CPEB1: variants seen among roughly 807,000 people sequenced by gnomAD.
CPEB1 encodes cytoplasmic polyadenylation element-binding protein 1.
CPEB1 carries 7 observed loss-of-function variants against 65.8 expected under a neutral mutation model. That is an observed-to-expected ratio of 0.11 (90% CI 0.06 to 0.20). The LOEUF (loss-of-function observed/expected upper bound fraction) is 0.20, where lower values mean the gene tolerates loss of function less well. Ranked by LOEUF, CPEB1 falls within the 10% of genes least tolerant of loss-of-function variation. CPEB1 has a pLI of 1.00. For synonymous variants in CPEB1, 262 were observed against 260.0 expected, an observed-to-expected ratio of 1.01 and a Z score of -0.08; for missense variants, 551 against 712.2, an observed-to-expected ratio of 0.77 and a Z score of 2.58.
Position 82,543,594 on chromosome 15 carries a change from C to G in CPEB1, c.*998G>C. 1 of 152,296 alleles carries G rather than the reference C, an allele frequency of 6.6e-6. No individual in the cohort carries two copies. Among genetic ancestry groups the G allele is most frequent in the Non-Finnish European group, 1.5e-5 (1 of 68,030 alleles). The allele number at this position is 152,296 out of a possible 1,614,324, so 9.4% of individuals were successfully genotyped here. A position where few individuals can be genotyped will look rare whatever the true frequency, so the allele number is the denominator to read the frequency against. On this transcript the variant is annotated 3_prime_UTR_variant, in exon 13 of 13. Transcript: ENST00000684509. ...GATATAAGGGAAGGGTACTTGCCCC[C>G]TCTAAGAGAAAGGGCTCCTGTGAGC...
At chr15:82,623,585 A>T (rs535978332) in intron 3 of CPEB1, among the ~76,000 whole-genome samples, 12 of 152,268 alleles carry the variant, frequency 7.9e-5, no homozygotes, top group Admixed American at 4.6e-4. Context: ...CTGAGGCAGG[A>T]GACTCACTTG....
At chr15:82,549,311 T>G (rs1039973360) in intron 10 of CPEB1, 149 bp downstream of exon 10, 1 of 738,616 alleles carries the variant, frequency 1.4e-6, no homozygotes, top group African/African-American at 1.7e-5. Flanking sequence ...TACTCGTGAC[T>G]TGTCTAGAAA....
chr15:82,544,330 C>A lies in CPEB1; in HGVS notation c.*262G>T. On this transcript the variant is annotated 3_prime_UTR_variant, in exon 13 of 13. Coordinates refer to ENST00000684509, the MANE Select transcript of CPEB1 (RefSeq NM_001365242.1). ...CATCTGCAAAATGAGGAACTAAAAT[C>A]TGGGAAAACTACAGAGTCGCTTGGA... 1 of 192,780 alleles carries A rather than the reference C, an allele frequency of 5.2e-6. No homozygotes were observed. Among genetic ancestry groups the A allele is most frequent in the East Asian group, 9.3e-5 (1 of 10,780 alleles). The allele number at this position is 192,780 out of a possible 1,614,324, so 11.9% of individuals were successfully genotyped here.
chr15:82,645,752 T>C (rs2047452822), intron 1 of CPEB1, among the ~76,000 whole-genome samples: 1 of 151,858 alleles, frequency 6.6e-6, no homozygotes, highest in African/African-American at 2.4e-5. Context: ...CTTGTAATCC[T>C]AGCTACACAG....
intron 3 of CPEB1, among the ~76,000 whole-genome samples, chr15:82,623,379 A>T (rs1388523349): frequency 1.3e-5 from 2 of 152,216 alleles, no homozygotes. Context: ...GGAAAAGCAT[A>T]CAGAAAAAAA....
At chr15:82,627,084 A>T in intron 3 of CPEB1, 109 bp downstream of exon 3, 2 of 868,774 alleles carry the variant, frequency 2.3e-6, no homozygotes, top group Non-Finnish European at 3.3e-6. Context: ...ATTGCCAGCA[A>T]CTCAACATTG....
intron 8 of CPEB1, 161 bp downstream of exon 8, chr15:82,553,306 G>A: frequency 3.2e-6 from 2 of 624,210 alleles, no homozygotes; most frequent in Non-Finnish European, 5.8e-6. Context: ...GACATGTTAG[G>A]TTGAAGAGAA....
At chr15:82,607,064 A>C (rs2043682248) in intron 3 of CPEB1, among the ~76,000 whole-genome samples, 1 of 152,190 alleles carries the variant, frequency 6.6e-6, no homozygotes, top group Admixed American at 6.5e-5. Context: ...ATAGGATTTT[A>C]TACTAGAAAA....
intron 3 of CPEB1, among the ~76,000 whole-genome samples, chr15:82,592,205 C>T (rs553603598): frequency 5.9e-5 from 9 of 151,926 alleles, no homozygotes; most frequent in Non-Finnish European, 1.3e-4. Context: ...ATGGGTATAC[C>T]CTGGAGACAC....
chr15:82,647,899 G>GGGCTGACC (rs1452542304), upstream of CPEB1: 14 of 1,231,402 alleles, frequency 1.1e-5, no homozygotes, highest in Non-Finnish European at 1.4e-5. Flanking sequence ...CGGGGCTGAC[G>GGGCTGACC]GGCTGACCGG....
At chr15:82,647,785 G>C (rs1395089306), upstream of CPEB1, 2 of 1,229,810 alleles carry the variant, frequency 1.6e-6, no homozygotes, top group East Asian at 3.3e-5. Context: ...GCCGGACCCG[G>C]CTGCGCGCGG....
At chr15:82,574,286 G>A (rs778474058) in intron 3 of CPEB1, among the ~76,000 whole-genome samples, 5 of 152,180 alleles carry the variant, frequency 3.3e-5, no homozygotes, top group Non-Finnish European at 7.3e-5. Flanking sequence ...TAGTGTGGCA[G>A]GCTGGAAAAA....
chr15:82,561,806 T>C (rs2038261195), intron 4 of CPEB1, among the ~76,000 whole-genome samples: 1 of 152,176 alleles, frequency 6.6e-6, no homozygotes, highest in Non-Finnish European at 1.5e-5. Context: ...TCTGTAGTGA[T>C]CCTCTAATCT....
intron 3 of CPEB1, among the ~76,000 whole-genome samples, chr15:82,600,059 A>C (rs1462259295): frequency 1.3e-5 from 2 of 152,190 alleles, no homozygotes; most frequent in African/African-American, 4.8e-5. Flanking sequence ...TGAGTAATGA[A>C]AGATACCAGT....
At chr15:82,621,792 T>C (rs1432030549) in intron 3 of CPEB1, among the ~76,000 whole-genome samples, 1 of 152,222 alleles carries the variant, frequency 6.6e-6, no homozygotes. Flanking sequence ...ATGTGTATTA[T>C]ATTTCAGTTT....
intron 3 of CPEB1, among the ~76,000 whole-genome samples, chr15:82,596,478 G>A (rs1231685086): frequency 1.3e-5 from 2 of 152,032 alleles, no homozygotes; most frequent in Non-Finnish European, 2.9e-5. Context: ...GACTGAGGCA[G>A]GCAGATCACT....
intron 4 of CPEB1, among the ~76,000 whole-genome samples, chr15:82,564,514 TG>T (rs2038801237): frequency 6.6e-6 from 1 of 152,050 alleles, no homozygotes; most frequent in Admixed American, 6.6e-5. Flanking sequence ...AGGATGGTCT[TG>T]ATCTCCTGAC....
intron 3 of CPEB1, among the ~76,000 whole-genome samples, chr15:82,573,638 C>T (rs1428165820): frequency 2.0e-5 from 3 of 151,976 alleles, no homozygotes; most frequent in Admixed American, 1.3e-4. Context: ...ATATGATTAC[C>T]CCCATCCCTC....
intron 3 of CPEB1, among the ~76,000 whole-genome samples, chr15:82,582,984 G>A (rs997161257): frequency 4.6e-5 from 7 of 151,510 alleles, no homozygotes; most frequent in African/African-American, 7.3e-5. Flanking sequence ...CTTGTGATCC[G>A]CCCGCCTCAG....
Sources: allele counts gnomAD v4.1 joint callset (sites outside exome capture counted in the v4.1 genomes callset), GRCh38; gene constraint gnomAD v4.1.1; transcripts MANE v1.5; gene names NCBI Gene and HGNC (gene_info 2026-07-23, HGNC 2026-07-21).